CDH4: variants seen among roughly 807,000 people sequenced by gnomAD.
CDH4 encodes cadherin-4.
A neutral mutation model predicts 86.0 loss-of-function variants in CDH4; 33 were observed. The ratio of observed to expected loss-of-function variants is 0.38; its 90% CI spans 0.29 to 0.51. The LOEUF is 0.51. CDH4 is among the 20% of genes least tolerant of loss of function. The pLI, the probability that CDH4 is intolerant of heterozygous loss-of-function variation, is 0.86. For synonymous variants in CDH4, 555 were observed against 549.4 expected, an observed-to-expected ratio of 1.01 and a Z score of -0.14; for missense variants, 1,114 against 1,307.4, an observed-to-expected ratio of 0.85 and a Z score of 2.28.
In CDH4 at chr20:61,444,687, T is replaced by G. The variant is rs186480961; in HGVS notation, c.169+189750T>G. Among the ~76,000 whole-genome samples the G allele has an allele frequency of 1.8e-3, 250 of 138,980 alleles. 1 individual carries two copies. Among genetic ancestry groups the G allele is most frequent in the African/African-American group, 6.5e-3 (242 of 37,346 alleles). The allele number at this position is 138,980 out of a possible 152,430, so 91.2% of individuals were successfully genotyped here. A position where few individuals can be genotyped will look rare whatever the true frequency, so the allele number is the denominator to read the frequency against. The stretch of plus-strand genomic sequence containing the variant: ...TCCGTATGTATATCTTTGTGTGTCT[T>G]TGTATACATCTGTGTCTGTGTGTAT... On this transcript the variant is annotated intron_variant, in intron 2 of 15. Transcript: ENST00000614565.
At chr20:61,637,858 T>A (rs1019905393) in intron 2 of CDH4, among the ~76,000 whole-genome samples, 1 of 151,842 alleles carries the variant, frequency 6.6e-6, no homozygotes, top group Admixed American at 6.6e-5. Flanking sequence ...CCATCTCTAC[T>A]AAAAATCCAA....
chr20:61,462,689 C>T (rs1246437682), intron 2 of CDH4, among the ~76,000 whole-genome samples: 1 of 152,186 alleles, frequency 6.6e-6, no homozygotes, highest in Non-Finnish European at 1.5e-5. Flanking sequence ...CCCTCCTTCC[C>T]TAGGTTTCAT....
rs968043982 is a variant in CDH4, at chr20:61,480,636, G to A, written c.169+225699G>A. ...GGAGGTGTGGAGGTGTGGGGAGGGC[G>A]GGGCTGAGCCAGGGCAGGTGAGCAT... On this transcript the variant is annotated intron_variant, in intron 2 of 15. Coordinates refer to ENST00000614565, the MANE Select transcript of CDH4 (RefSeq NM_001794.5). This position sits in a 1 kb window ranked among gnomAD's most constrained non-coding sequence, Gnocchi z 5.2. Among the ~76,000 whole-genome samples the A allele has an allele frequency of 6.6e-6, 1 of 152,204 alleles. No individual in the cohort carries two copies. The highest frequency in any genetic ancestry group is 2.4e-5 in the African/African-American group (1 of 41,448).
chr20:61,311,855 G>A (rs1487583920), intron 2 of CDH4, among the ~76,000 whole-genome samples: 1 of 152,272 alleles, frequency 6.6e-6, no homozygotes, highest in African/African-American at 2.4e-5. Context: ...GCGCCAGGGC[G>A]GGGCGGCCAG....
At chr20:61,776,443 C>T (rs1489231651) in intron 4 of CDH4, among the ~76,000 whole-genome samples, 2 of 152,230 alleles carry the variant, frequency 1.3e-5, no homozygotes, top group Non-Finnish European at 2.9e-5. Context: ...CCACCCCCAG[C>T]ATCTCCGACC....
At chr20:61,884,832 T>C (rs1335200505) in intron 7 of CDH4, among the ~76,000 whole-genome samples, 1 of 151,472 alleles carries the variant, frequency 6.6e-6, no homozygotes, top group East Asian at 1.9e-4. Context: ...AGCCCTGGGG[T>C]GGGGGCGGGG....
Position 61,544,960 on chromosome 20 carries a change from G to A in CDH4, c.170-198603G>A, listed in dbSNP as rs1221671446. 5.3e-5 allele frequency among the ~76,000 whole-genome samples: 8 copies of A among 152,148 alleles called. No homozygotes were observed. The highest frequency in any genetic ancestry group is 1.0e-4 in the Non-Finnish European group (7 of 68,036). ...ATTAGATATCCAGGTAGACAAGTAG[G>A]GTGACTAGCAAATGACCCTTGAGCA... On this transcript the variant is annotated intron_variant, in intron 2 of 15. Transcript: ENST00000614565. The surrounding 1 kb of genome is among the most constrained non-coding windows in gnomAD (Gnocchi z 6.5).
chr20:61,447,422 C>T (rs2085357435), intron 2 of CDH4, among the ~76,000 whole-genome samples: 2 of 151,120 alleles, frequency 1.3e-5, no homozygotes, highest in Non-Finnish European at 2.9e-5. Flanking sequence ...GATCTGTCCA[C>T]CTCGGCCTTC....
chr20:61,701,280 A>G (rs1264737597), intron 2 of CDH4, among the ~76,000 whole-genome samples: 1 of 152,154 alleles, frequency 6.6e-6, no homozygotes, highest in African/African-American at 2.4e-5. Context: ...CCATGACCCC[A>G]TTTCCAAACA....
intron 2 of CDH4, among the ~76,000 whole-genome samples, chr20:61,531,681 G>A (rs1291129181): frequency 6.6e-6 from 1 of 152,196 alleles, no homozygotes; most frequent in African/African-American, 2.4e-5. Flanking sequence ...AGCGCCAAGT[G>A]CATGCGTGGA....
intron 2 of CDH4, among the ~76,000 whole-genome samples, chr20:61,284,653 G>A (rs2084283382): frequency 6.6e-6 from 1 of 152,236 alleles, no homozygotes; most frequent in Admixed American, 6.5e-5. Context: ...GGTGATGTGG[G>A]TGGTTCAGGG....
At chr20:61,282,908 C>CATTTGCACGCGTGTGCTGT (rs2084268700) in intron 2 of CDH4, among the ~76,000 whole-genome samples, 1 of 77,690 alleles carries the variant, frequency 1.3e-5, no homozygotes, top group African/African-American at 4.3e-5. Context: ...TGTGCTGTGG[C>CATTTGCACGCGTGTGCTGT]GTGTGTGATG....
chr20:61,915,075 G>A (rs1466850518), intron 9 of CDH4, among the ~76,000 whole-genome samples: 3 of 152,128 alleles, frequency 2.0e-5, no homozygotes, highest in African/African-American at 7.2e-5. Flanking sequence ...TGGTCCTCAC[G>A]CCCACCAAGG....
At chr20:61,531,776 G>A (rs941521091) in intron 2 of CDH4, among the ~76,000 whole-genome samples, 2 of 152,188 alleles carry the variant, frequency 1.3e-5, no homozygotes, top group East Asian at 1.9e-4. Flanking sequence ...TCAGCCTGAC[G>A]CACAGGCCTG....
chr20:61,688,280 C>T (rs986504084), intron 2 of CDH4, among the ~76,000 whole-genome samples: 2 of 151,920 alleles, frequency 1.3e-5, no homozygotes, highest in East Asian at 1.9e-4. Context: ...GGAATTTCTC[C>T]AGCTGGGGTC....
intron 2 of CDH4, among the ~76,000 whole-genome samples, chr20:61,273,360 T>G (rs1464046148): frequency 6.3e-4 from 47 of 74,932 alleles, no homozygotes; most frequent in East Asian, 9.1e-4. Flanking sequence ...TTTGGGGGAG[T>G]ACCGTGTGCA....
chr20:61,767,964 G>A (rs747837947), intron 3 of CDH4, among the ~76,000 whole-genome samples: 6 of 152,338 alleles, frequency 3.9e-5, no homozygotes, highest in Non-Finnish European at 8.8e-5. Context: ...GTCCGTGAGT[G>A]GATGGAGGCG....
chr20:61,606,905 G>A (rs1465969242), intron 2 of CDH4, among the ~76,000 whole-genome samples: 1 of 152,256 alleles, frequency 6.6e-6, no homozygotes, highest in Non-Finnish European at 1.5e-5. Context: ...GGGATGTCCT[G>A]GTGAGCCCAG....
chr20:61,419,992 C>G (rs1184455125), intron 2 of CDH4, among the ~76,000 whole-genome samples: 1 of 152,246 alleles, frequency 6.6e-6, no homozygotes, highest in Non-Finnish European at 1.5e-5. Context: ...TTTGCAAAGC[C>G]TGTGCATTCT....
Sources: allele counts gnomAD v4.1 joint callset (sites outside exome capture counted in the v4.1 genomes callset), GRCh38; gene constraint gnomAD v4.1.1; non-coding constraint Gnocchi (gnomAD v3.1); transcripts MANE v1.5; gene names NCBI Gene and HGNC (gene_info 2026-07-23, HGNC 2026-07-21).